TRAPPC9: variants seen among roughly 807,000 people sequenced by gnomAD.
TRAPPC9 encodes IKK2 binding protein.
TRAPPC9 carries 83 observed loss-of-function variants against 124.0 expected under a neutral mutation model. That is an observed-to-expected ratio of 0.67 (90% CI 0.56 to 0.80). The LOEUF is 0.80. Among genes scored for constraint, TRAPPC9 ranks in the 30% least tolerant of loss-of-function variants. The pLI is 0.00. For missense variants in TRAPPC9, 1,302 were observed against 1,508.3 expected (o/e 0.86, Z 2.27); for synonymous variants, 638 against 617.5 (o/e 1.03, Z -0.49).
At chr8:139,947,608 C>T (rs1834308205) in intron 19 of TRAPPC9, among the ~76,000 whole-genome samples, 1 of 151,836 alleles carries the variant, frequency 6.6e-6, no homozygotes, top group African/African-American at 2.4e-5. Context: ...GCCTGTAATC[C>T]CAGCACTTTG....
chr8:140,313,323 G>A (rs59660661), intron 9 of TRAPPC9, among the ~76,000 whole-genome samples: 306 of 152,260 alleles, frequency 2.0e-3, no homozygotes, highest in African/African-American at 6.4e-3. Flanking sequence ...AAATGCTGCT[G>A]AAATAAAGGG....
chr8:140,221,726 C>T, intron 16 of TRAPPC9, 143 bp from the exon 17 acceptor site: 2 of 1,174,628 alleles, frequency 1.7e-6, no homozygotes, highest in African/African-American at 1.5e-5. Flanking sequence ...CAACCTTTGC[C>T]TCCTGGGCTC....
intron 20 of TRAPPC9, among the ~76,000 whole-genome samples, chr8:139,894,907 G>C (rs1010014392): frequency 6.6e-6 from 1 of 152,190 alleles, no homozygotes; most frequent in Non-Finnish European, 1.5e-5. Flanking sequence ...CTGGGTCCCA[G>C]AGTGGAAGGG....
chr8:139,802,030 C>A (rs1586874573), intron 21 of TRAPPC9, among the ~76,000 whole-genome samples: 1 of 152,170 alleles, frequency 6.6e-6, no homozygotes, highest in Non-Finnish European at 1.5e-5. Flanking sequence ...GCTGTGTCTC[C>A]CAGGAATTGG....
chr8:140,272,130 C>CAATGATGATGGTGGTGATGGT (rs1450234909), intron 15 of TRAPPC9, among the ~76,000 whole-genome samples: 17 of 100,382 alleles, frequency 1.7e-4, no homozygotes, highest in African/African-American at 5.1e-4. Context: ...GTGATGGTGG[C>CAATGATGATGGTGGTGATGGT]GATGGTGATG....
intron 17 of TRAPPC9, among the ~76,000 whole-genome samples, chr8:140,187,215 T>A (rs1011138073): frequency 6.6e-6 from 1 of 152,184 alleles, no homozygotes; most frequent in Non-Finnish European, 1.5e-5. Context: ...AAAACTCACA[T>A]AAACAGAGGG....
chr8:140,253,013 A>G (rs1016273012), intron 15 of TRAPPC9, 84 bp from the exon 16 acceptor site: 2 of 1,375,196 alleles, frequency 1.5e-6, no homozygotes, highest in South Asian at 2.4e-5. Flanking sequence ...ATTCTGATGC[A>G]TTCTCAAAAG....
chr8:140,295,463 C>T (rs2065779992), intron 11 of TRAPPC9, among the ~76,000 whole-genome samples: 1 of 152,212 alleles, frequency 6.6e-6, no homozygotes, highest in African/African-American at 2.4e-5. Flanking sequence ...CAGGCCACCA[C>T]GCTGCCTCTG....
chr8:140,021,296 T>C (rs540835340), intron 18 of TRAPPC9, among the ~76,000 whole-genome samples: 9 of 152,374 alleles, frequency 5.9e-5, no homozygotes, highest in Non-Finnish European at 1.2e-4. Context: ...AGAGTTTGCA[T>C]GTATCTTTAG....
At chr8:140,458,217 G>A, upstream of TRAPPC9, 3 of 1,550,566 alleles carry the variant, frequency 1.9e-6, no homozygotes, top group Non-Finnish European at 2.6e-6. Flanking sequence ...GAGACTAGGA[G>A]GAAAGCTTCT....
At chr8:140,086,162 C>T (rs921324018) in intron 17 of TRAPPC9, among the ~76,000 whole-genome samples, 12 of 152,174 alleles carry the variant, frequency 7.9e-5, no homozygotes, top group Non-Finnish European at 1.6e-4. Context: ...TGCTGGAGAG[C>T]GGGTATGGTG....
intron 15 of TRAPPC9, among the ~76,000 whole-genome samples, chr8:140,255,270 G>A (rs903045210): frequency 3.9e-5 from 6 of 152,190 alleles, no homozygotes; most frequent in African/African-American, 1.2e-4. Flanking sequence ...GACACTCCAC[G>A]TGTTACCTCA....
At chr8:139,860,755 C>T (rs1007110749) in intron 21 of TRAPPC9, among the ~76,000 whole-genome samples, 21 of 152,368 alleles carry the variant, frequency 1.4e-4, no homozygotes, top group Admixed American at 1.1e-3. Context: ...CAATGCCTGT[C>T]GCCGTCCGTG....
chr8:140,013,039 T>A (rs80265951), intron 18 of TRAPPC9, among the ~76,000 whole-genome samples: 1 of 152,260 alleles, frequency 6.6e-6, no homozygotes, highest in East Asian at 1.9e-4. Context: ...AACACCTACA[T>A]GCACAGGGCT....
chr8:140,079,382 G>A (rs898883211), intron 17 of TRAPPC9, among the ~76,000 whole-genome samples: 1 of 152,146 alleles, frequency 6.6e-6, no homozygotes, highest in Non-Finnish European at 1.5e-5. Flanking sequence ...TTTAACAGGT[G>A]TTTGAATTTG....
intron 15 of TRAPPC9, among the ~76,000 whole-genome samples, chr8:140,264,038 G>A (rs572549961): frequency 7.9e-5 from 12 of 152,274 alleles, no homozygotes; most frequent in East Asian, 3.9e-4. Context: ...ACTTTTCTCC[G>A]AGACTGATTT....
At chr8:139,832,132 G>A (rs555270089) in intron 21 of TRAPPC9, among the ~76,000 whole-genome samples, 8 of 152,282 alleles carry the variant, frequency 5.3e-5, no homozygotes, top group African/African-American at 1.4e-4. Flanking sequence ...TGAGGGCCTC[G>A]TTCGAGCTCA....
chr8:139,758,550 C>G (rs529350846), intron 21 of TRAPPC9, among the ~76,000 whole-genome samples: 2 of 152,134 alleles, frequency 1.3e-5, no homozygotes, highest in Non-Finnish European at 2.9e-5. Context: ...GGGATGCAGA[C>G]ACAGGGAGGC....
rs573140847 is a variant in TRAPPC9, at chr8:140,283,646, C to G, written c.2114+243G>C. Among the ~76,000 whole-genome samples, 20 of 152,014 alleles carry G rather than the reference C, an allele frequency of 1.3e-4. 1 individual carries two copies. Among genetic ancestry groups the G allele is most frequent in the African/African-American group, 4.6e-4 (19 of 41,442 alleles). On this transcript the variant is annotated intron_variant, in intron 14 of 22. Coordinates refer to ENST00000438773, the MANE Select transcript of TRAPPC9 (RefSeq NM_001160372.4). ...TTCCTAAATTCCCTAATTTTGTTTTCAAAAGAATTATGATTCCATAGGCTA... is the reference window on the plus strand; with the variant it reads ...TTCCTAAATTCCCTAATTTTGTTTTGAAAAGAATTATGATTCCATAGGCTA...
Sources: gnomAD v4.1 joint callset for allele counts (sites outside exome capture counted in the v4.1 genomes callset) on GRCh38, gnomAD v4.1.1 for gene constraint, MANE v1.5 for transcripts, NCBI Gene and HGNC (gene_info 2026-07-23, HGNC 2026-07-21) for gene names.